The following OPCML variants were observed in gnomAD, a reference collection of about 807,000 sequenced individuals.
OPCML encodes opioid-binding protein/cell adhesion molecule.
A neutral mutation model predicts 37.8 loss-of-function variants in OPCML; 13 were observed. That is an observed-to-expected ratio of 0.34 (90% CI 0.22 to 0.55). The LOEUF (loss-of-function observed/expected upper bound fraction) is 0.55. Ranked by LOEUF, OPCML falls within the 20% of genes least tolerant of loss-of-function variation. The pLI is 0.91. For synonymous variants in OPCML, 176 were observed against 168.8 expected (o/e 1.04, Z -0.33); for missense variants, 341 against 435.6 (o/e 0.78, Z 1.93).
intron 4 of OPCML, among the ~76,000 whole-genome samples, chr11:132,462,234 C>G (rs988421924): frequency 1.3e-5 from 2 of 152,156 alleles, no homozygotes; most frequent in African/African-American, 4.8e-5. Flanking sequence ...GCCACACACA[C>G]ACTTTTTGGT....
intron 2 of OPCML, among the ~76,000 whole-genome samples, chr11:132,729,007 G>A (rs1391554023): frequency 1.3e-5 from 2 of 152,216 alleles, no homozygotes; most frequent in East Asian, 3.9e-4. Context: ...AGAACGAGGA[G>A]GAGATAAAAT....
intron 1 of OPCML, among the ~76,000 whole-genome samples, chr11:133,432,681 G>C (rs993675228): frequency 6.6e-6 from 1 of 152,166 alleles, no homozygotes; most frequent in Non-Finnish European, 1.5e-5. Flanking sequence ...CTACATGGGA[G>C]TCTCTTTCAG....
At chr11:133,044,877 C>T (rs1218779793) in intron 1 of OPCML, among the ~76,000 whole-genome samples, 4 of 152,246 alleles carry the variant, frequency 2.6e-5, no homozygotes, top group East Asian at 1.9e-4. Context: ...TGGTCAAAGA[C>T]GGGCCCCAGA....
intron 3 of OPCML, among the ~76,000 whole-genome samples, chr11:132,622,811 T>C (rs1396696485): frequency 6.6e-6 from 1 of 151,946 alleles, no homozygotes. Flanking sequence ...TTGCAAGCAT[T>C]TATCATATTG....
At chr11:132,617,022 C>A (rs568027343) in intron 3 of OPCML, among the ~76,000 whole-genome samples, 23 of 152,164 alleles carry the variant, frequency 1.5e-4, no homozygotes, top group Non-Finnish European at 1.5e-5. Flanking sequence ...ATGAAGTTTT[C>A]TTTTCTTTCA....
intron 1 of OPCML, among the ~76,000 whole-genome samples, chr11:132,964,201 C>T (rs573793115): frequency 6.6e-6 from 1 of 152,268 alleles, no homozygotes; most frequent in South Asian, 2.1e-4. Context: ...AGAGAAGAAT[C>T]GTTTCAGTGC....
At chr11:133,366,469 T>A (rs985369243) in intron 1 of OPCML, among the ~76,000 whole-genome samples, 1 of 152,090 alleles carries the variant, frequency 6.6e-6, no homozygotes, top group African/African-American at 2.4e-5. Flanking sequence ...TCTGGGAACA[T>A]GATAAAAAGT....
intron 1 of OPCML, among the ~76,000 whole-genome samples, chr11:133,325,959 C>G (rs149534225): frequency 1.3e-5 from 2 of 152,132 alleles, no homozygotes; most frequent in Non-Finnish European, 2.9e-5. Context: ...CACAATAGAA[C>G]GGAAGGCCTT....
rs538770896 is a variant in OPCML at position 132,450,126 on chromosome 11, C to A, written c.506-12767G>T. On this transcript the variant is annotated intron_variant, in intron 4 of 7. Transcript: ENST00000524381. ...CTGCCCAGGCCCCAGGGGAGACAGA[C>A]CCCTGCCTTCCTTGCTGGGTCTTCA... Among the ~76,000 whole-genome samples the A allele has an allele frequency of 5.3e-5, 8 of 152,314 alleles. No individual in the cohort carries two copies. The South Asian group carries it at 8.3e-4, about 16-fold the overall frequency.
chr11:132,735,528 C>T (rs1945225704), intron 2 of OPCML, among the ~76,000 whole-genome samples: 1 of 152,032 alleles, frequency 6.6e-6, no homozygotes, highest in Admixed American at 6.5e-5. Context: ...ACTCTGTTGC[C>T]CAGGCTGGAG....
chr11:133,099,245 A>G (rs2137068414), intron 1 of OPCML, among the ~76,000 whole-genome samples: 1 of 151,980 alleles, frequency 6.6e-6, no homozygotes, highest in African/African-American at 2.4e-5. Flanking sequence ...AACTTTGCCA[A>G]CATCTGTTAG....
chr11:133,029,715 CA>C (rs968240808), intron 1 of OPCML, among the ~76,000 whole-genome samples: 22 of 151,962 alleles, frequency 1.4e-4, no homozygotes, highest in African/African-American at 4.8e-4. Flanking sequence ...TCTAGGGTTT[CA>C]AAAAGTGTGA....
intron 4 of OPCML, among the ~76,000 whole-genome samples, chr11:132,451,644 G>T (rs78146906): frequency 0.028 from 4,225 of 152,264 alleles, 204 homozygotes; most frequent in African/African-American, 0.095. Flanking sequence ...ACAGCTCTAG[G>T]TGAGGGGTGC....
chr11:133,011,648 T>C (rs1947217931), intron 1 of OPCML, among the ~76,000 whole-genome samples: 2 of 152,274 alleles, frequency 1.3e-5, no homozygotes, highest in East Asian at 1.9e-4. Context: ...TTGTATTTGT[T>C]AGGAAGCTGG....
At position 132,476,870 on chromosome 11, in the gene OPCML, G is replaced by A. The variant is rs139411890; in HGVS notation, c.506-39511C>T. ...AAAAAATTAAAAAAAATTAAAAAAA[G>A]TGTTACTTCCATGAATCCCATTGTT... On this transcript the variant is annotated intron_variant, in intron 4 of 7. Coordinates refer to ENST00000524381, the MANE Select transcript of OPCML (RefSeq NM_001012393.5). Among the ~76,000 whole-genome samples the A allele has an allele frequency of 1.2e-3, 182 of 152,096 alleles. 1 individual carries two copies. Among genetic ancestry groups the A allele is most frequent in the African/African-American group, 4.1e-3 (170 of 41,458 alleles).
At chr11:133,009,049 C>T (rs1947165461) in intron 1 of OPCML, 2 of 985,422 alleles carry the variant, frequency 2.0e-6, no homozygotes, top group Non-Finnish European at 2.4e-6. Flanking sequence ...AACATATTTA[C>T]TCTTCCAGAT....
At chr11:133,239,023 G>A (rs74409740) in intron 1 of OPCML, among the ~76,000 whole-genome samples, 2 of 152,244 alleles carry the variant, frequency 1.3e-5, no homozygotes, top group South Asian at 4.2e-4. Context: ...AGTAGCAACC[G>A]GTGAAAATGG....
intron 2 of OPCML, among the ~76,000 whole-genome samples, chr11:132,670,377 A>C (rs551268293): frequency 6.6e-6 from 1 of 152,224 alleles, no homozygotes; most frequent in East Asian, 1.9e-4. Flanking sequence ...GGATCACAGA[A>C]TCCCACAGAC....
At chr11:132,756,728 A>T (rs1167941564) in intron 2 of OPCML, among the ~76,000 whole-genome samples, 2 of 152,228 alleles carry the variant, frequency 1.3e-5, no homozygotes. Flanking sequence ...CTCGAATATA[A>T]TTTATAGAAT....
Sources: allele counts gnomAD v4.1 joint callset (sites outside exome capture counted in the v4.1 genomes callset), GRCh38; gene constraint gnomAD v4.1.1; transcripts MANE v1.5; gene names NCBI Gene and HGNC (gene_info 2026-07-23, HGNC 2026-07-21).